PKHD1: variants seen among roughly 807,000 people sequenced by gnomAD.
The protein encoded by PKHD1 is PKHD1 ciliary IPT domain containing fibrocystin/polyductin, also known as fibrocystin.
In PKHD1, 291 loss-of-function variants were observed where a neutral mutation model predicts 412.0. The observed-to-expected ratio is 0.71, with a 90% CI of 0.64 to 0.78. The LOEUF (loss-of-function observed/expected upper bound fraction) is 0.78. Ranked by LOEUF, PKHD1 falls within the 30% of genes least tolerant of loss-of-function variation. The probability of loss-of-function intolerance (pLI) is 0.00; values close to 1 mark genes in which losing one functional copy is unlikely to be tolerated. For missense variants in PKHD1, 4,825 were observed against 4,950.7 expected (o/e 0.97, Z 0.76); for synonymous variants, 1,777 against 1,821.5 (o/e 0.98, Z 0.62).
chr6:52,005,137 A>T (rs954013103), intron 35 of PKHD1, among the ~76,000 whole-genome samples: 2 of 152,094 alleles, frequency 1.3e-5, no homozygotes, highest in African/African-American at 4.8e-5. Context: ...CTCAGACAGA[A>T]AGCCACATTC....
chr6:51,944,994 A>G (rs1789241497), intron 36 of PKHD1, among the ~76,000 whole-genome samples: 1 of 152,242 alleles, frequency 6.6e-6, no homozygotes, highest in South Asian at 2.1e-4. Context: ...GAGCAGTACC[A>G]CACTGCTTAC....
chr6:51,620,883 AC>A (rs1455272587), intron 66 of PKHD1, among the ~76,000 whole-genome samples: 6 of 151,274 alleles, frequency 4.0e-5, no homozygotes. Context: ...TGACACATCT[AC>A]TAATATTATG....
intron 7 of PKHD1, among the ~76,000 whole-genome samples, chr6:52,072,679 T>C (rs1008516877): frequency 6.6e-6 from 1 of 152,114 alleles, no homozygotes; most frequent in Non-Finnish European, 1.5e-5. Context: ...CATATTCTCT[T>C]CAACTAGGGC....
chr6:51,684,327 AT>A lies in PKHD1; in HGVS notation c.10157-24359del, dbSNP rs777602763. 1.2e-4 allele frequency among the ~76,000 whole-genome samples: 18 copies of A among 152,256 alleles called. No homozygotes were observed. The East Asian group carries it at 2.9e-3, about 24-fold the overall frequency. ...GATGTGAGTAAAACAAAGTTTTTCT[AT>A]TCTTAAACAACTGAGATTTGGAGAT... On this transcript the variant is annotated intron_variant, in intron 60 of 66. Coordinates refer to ENST00000371117, the MANE Select transcript of PKHD1 (RefSeq NM_138694.4).
intron 60 of PKHD1, among the ~76,000 whole-genome samples, chr6:51,673,991 T>G (rs1274367250): frequency 6.6e-6 from 1 of 152,056 alleles, no homozygotes; most frequent in Non-Finnish European, 1.5e-5. Context: ...GGGAAGGAGA[T>G]GTGTATTCTA....
intron 63 of PKHD1, among the ~76,000 whole-genome samples, chr6:51,643,858 C>T (rs184363260): frequency 6.6e-6 from 1 of 151,754 alleles, no homozygotes; most frequent in East Asian, 1.9e-4. Flanking sequence ...AGTCCTCCCC[C>T]CAATCTCTGA....
At chr6:51,907,703 G>T (rs1782335088) in intron 40 of PKHD1, among the ~76,000 whole-genome samples, 2 of 152,042 alleles carry the variant, frequency 1.3e-5, no homozygotes, top group Non-Finnish European at 2.9e-5. Context: ...TTCTAACTCT[G>T]GTAGCTGGGA....
intron 29 of PKHD1, among the ~76,000 whole-genome samples, chr6:52,031,814 G>A (rs914749143): frequency 6.6e-6 from 1 of 152,150 alleles, no homozygotes; most frequent in African/African-American, 2.4e-5. Flanking sequence ...TATTCTGCTT[G>A]TAGAAAGATT....
In PKHD1 at chr6:51,813,129, G is replaced by A. The variant is rs375232628; in HGVS notation, c.8302+17732C>T. On this transcript the variant is annotated intron_variant, in intron 52 of 66. Transcript: ENST00000371117. ...AACCACCTTGAGCACAAGTTCTCAG[G>A]ACCTCCTGAGGCTGTGTCACAGGAC... Among the ~76,000 whole-genome samples, 22 of 152,136 alleles carry A rather than the reference G, an allele frequency of 1.4e-4. No homozygotes were observed. In the East Asian group the frequency reaches 3.1e-3, roughly 21 times the overall value.
At chr6:52,024,526 C>T (rs1452799486) in intron 32 of PKHD1, 48 bp downstream of exon 32, 9 of 1,547,574 alleles carry the variant, frequency 5.8e-6, no homozygotes, top group Non-Finnish European at 8.0e-6. Flanking sequence ...AAGGAGCTAC[C>T]AATTCATTTA....
intron 36 of PKHD1, 52 bp downstream of exon 36, chr6:51,959,818 C>T: frequency 6.6e-7 from 1 of 1,506,242 alleles, no homozygotes; most frequent in Non-Finnish European, 9.2e-7. Context: ...ATCCCCCCTA[C>T]AAGTGATATA....
At chr6:52,008,940 C>G (rs527784383) in intron 35 of PKHD1, among the ~76,000 whole-genome samples, 1 of 152,132 alleles carries the variant, frequency 6.6e-6, no homozygotes, top group Non-Finnish European at 1.5e-5. Context: ...AGCATCCCAA[C>G]AACACCAGGT....
intron 27 of PKHD1, among the ~76,000 whole-genome samples, chr6:52,037,447 G>T (rs1033508829): frequency 2.0e-5 from 3 of 151,812 alleles, no homozygotes; most frequent in Admixed American, 2.0e-4. Flanking sequence ...ATAATAAAGG[G>T]CAAATATCCT....
intron 35 of PKHD1, among the ~76,000 whole-genome samples, chr6:52,003,548 TC>T (rs1798697024): frequency 6.6e-6 from 1 of 152,156 alleles, no homozygotes; most frequent in Non-Finnish European, 1.5e-5. Context: ...CTGGTTTTTC[TC>T]CCCACCAATA....
At chr6:51,860,358 G>C (rs1773989335) in intron 48 of PKHD1, among the ~76,000 whole-genome samples, 1 of 152,130 alleles carries the variant, frequency 6.6e-6, no homozygotes, top group South Asian at 2.1e-4. Flanking sequence ...CCATGGAGGG[G>C]TCTTCTGAAA....
intron 37 of PKHD1, among the ~76,000 whole-genome samples, chr6:51,933,713 G>A (rs1375899753): frequency 2.6e-5 from 4 of 152,196 alleles, no homozygotes; most frequent in Non-Finnish European, 5.9e-5. Context: ...AAACGAAATG[G>A]CTAAAGCATC....
rs2150229750 is a variant in PKHD1, at chr6:51,616,412, T to C, written c.*2669A>G. 1 of 355,672 alleles carries C rather than the reference T, an allele frequency of 2.8e-6. No homozygotes were observed. The highest frequency in any genetic ancestry group is 4.1e-5 in the East Asian group (1 of 24,596). The allele number at this position is 355,672 out of a possible 1,614,324, so 22.0% of individuals were successfully genotyped here. ...GAAATATTTGCTGGGTTACCCATGTTAACGATCTGAATAAATTTAGAGTTG... is the reference window on the plus strand; with the variant it reads ...GAAATATTTGCTGGGTTACCCATGTCAACGATCTGAATAAATTTAGAGTTG... On this transcript the variant is annotated 3_prime_UTR_variant, in exon 67 of 67. Coordinates refer to ENST00000371117, the MANE Select transcript of PKHD1 (RefSeq NM_138694.4).
chr6:51,759,040 G>A (rs1787544011), intron 55 of PKHD1, among the ~76,000 whole-genome samples: 1 of 152,094 alleles, frequency 6.6e-6, no homozygotes, highest in Non-Finnish European at 1.5e-5. Context: ...GAATAGGGAT[G>A]GCCACAGATT....
chr6:52,038,529 T>C (rs1350924028), intron 27 of PKHD1, among the ~76,000 whole-genome samples: 1 of 152,080 alleles, frequency 6.6e-6, no homozygotes, highest in Non-Finnish European at 1.5e-5. Flanking sequence ...CACCAGATGT[T>C]AAGAGACAGA....
Sources: gnomAD v4.1 joint callset for allele counts (sites outside exome capture counted in the v4.1 genomes callset) on GRCh38, gnomAD v4.1.1 for gene constraint, MANE v1.5 for transcripts, NCBI Gene and HGNC (gene_info 2026-07-23, HGNC 2026-07-21) for gene names.